The following SCARA5 variants were observed in gnomAD, a reference collection of about 807,000 sequenced individuals.
SCARA5 encodes the protein scavenger receptor class A member 5, also known as scavenger receptor class A, member 5 (putative).
Under a neutral mutation model 46.3 loss-of-function variants are expected in SCARA5, and 45 were observed. That is an observed-to-expected ratio of 0.97 (90% CI 0.76 to 1.24). SCARA5 has a LOEUF of 1.24. SCARA5 is among the 50% of genes most tolerant of loss of function. The pLI, the probability that SCARA5 is intolerant of heterozygous loss-of-function variation, is 0.00. For missense variants in SCARA5, 680 were observed against 689.0 expected, an observed-to-expected ratio of 0.99 and a Z score of 0.15; for synonymous variants, 333 against 306.5, an observed-to-expected ratio of 1.09 and a Z score of -0.90.
chr8:27,966,435 C>A lies in SCARA5; in HGVS notation c.220G>T (p.Val74Leu). 6.2e-7 allele frequency: 1 copy of A among 1,611,632 alleles called. No individual in the cohort carries two copies. Among genetic ancestry groups the A allele is most frequent in the Non-Finnish European group, 8.5e-7 (1 of 1,179,354 alleles). Reference sequence around the variant, plus strand: ...TTACCTGCTAAGATGAAGATGCCCACAAGAATCAGGAAGACCAGCAGGTAG... The same window carrying A: ...TTACCTGCTAAGATGAAGATGCCCAAAAGAATCAGGAAGACCAGCAGGTAG... Reference protein sequence around the residue: ...GLYLLVFLILVGIFILAVSRP... With the variant: ...GLYLLVFLILLGIFILAVSRP... Residue 74 changes from valine to leucine, a missense_variant, in exon 3 of 9, where the codon GTG becomes TTG. Val to Leu is a conservative substitution (Grantham distance 32). Coordinates refer to ENST00000354914, the MANE Select transcript of SCARA5 (RefSeq NM_173833.6).
chr8:27,938,209 C>G (rs1253821548), intron 3 of SCARA5, among the ~76,000 whole-genome samples: 1 of 152,200 alleles, frequency 6.6e-6, no homozygotes, highest in Non-Finnish European at 1.5e-5. Context: ...CCACCCTTGG[C>G]TAACACACGT....
At chr8:27,876,634 CCT>C (rs1806728904) in intron 8 of SCARA5, among the ~76,000 whole-genome samples, 1 of 152,138 alleles carries the variant, frequency 6.6e-6, no homozygotes, top group Non-Finnish European at 1.5e-5. Flanking sequence ...TCCGAGTGCA[CCT>C]GTCAGGAAGG....
intron 3 of SCARA5, among the ~76,000 whole-genome samples, chr8:27,953,358 C>T (rs1585510730): frequency 6.6e-6 from 1 of 152,258 alleles, no homozygotes; most frequent in Non-Finnish European, 1.5e-5. Context: ...CCTACATCTC[C>T]TGCACTTGCC....
chr8:27,882,251 T>A (rs997629895), intron 7 of SCARA5, among the ~76,000 whole-genome samples: 5 of 152,256 alleles, frequency 3.3e-5, no homozygotes, highest in African/African-American at 1.2e-4. Context: ...CTGAATGGTA[T>A]TCCATTTTCT....
intron 7 of SCARA5, among the ~76,000 whole-genome samples, chr8:27,886,995 C>T (rs944333025): frequency 2.0e-5 from 3 of 152,148 alleles, no homozygotes; most frequent in Admixed American, 1.3e-4. Flanking sequence ...CCTCTCTCTG[C>T]ACGTGGCAGT....
Position 27,922,134 on chromosome 8 carries a change from TGCAGCGGAGCCTGCAGCAGCC to T in SCARA5, c.332_352del (p.Arg111_Leu117del), listed in dbSNP as rs556775167. The T allele has an allele frequency of 6.7e-5, 108 of 1,607,576 alleles. No individual in the cohort carries two copies. The African/African-American group carries it at 9.6e-4, about 14-fold the overall frequency. Reference sequence around the variant, plus strand: ...CCACACCTGCTCCGTCAGGTCCGCTTGCAGCGGAGCCTGCAGCAGCCGCAGCTGCAAGTCCCGGAAGCTCTC... The same window carrying T: ...CCACACCTGCTCCGTCAGGTCCGCTTGCAGCTGCAAGTCCCGGAAGCTCTC... On this transcript the variant is annotated inframe_deletion, in exon 4 of 9. Coordinates refer to ENST00000354914, the MANE Select transcript of SCARA5 (RefSeq NM_173833.6).
Position 27,921,783 on chromosome 8 carries a change from G to T in SCARA5, c.704C>A (p.Ser235Tyr). 1.1e-5 allele frequency: 17 copies of T among 1,572,348 alleles called. No individual in the cohort carries two copies. The highest frequency in any genetic ancestry group is 1.4e-5 in the Non-Finnish European group (16 of 1,163,412). Residue 235 changes from serine to tyrosine, a missense_variant, in exon 4 of 9, where the codon TCC becomes TAC. Ser to Tyr is a moderately radical substitution (Grantham distance 144). Around this residue, in one of 3 missense-constraint regions of SCARA5, gnomAD observed 438 missense variants for 384.5 expected, o/e 1.14. Transcript: ENST00000354914. ...CGTGCGGTGGAGGGCCACGTCGTAGGACAGGCTGTGGTTGAGGCCGCGCAG... is the reference window on the plus strand; with the variant it reads ...CGTGCGGTGGAGGGCCACGTCGTAGTACAGGCTGTGGTTGAGGCCGCGCAG... ...GVLRGLNHSL[S>Y]YDVALHRTRL...
intron 3 of SCARA5, among the ~76,000 whole-genome samples, chr8:27,941,800 CATTATTATTATTATTATTATT>C (rs71536304): frequency 3.7e-5 from 5 of 135,312 alleles, no homozygotes; most frequent in African/African-American, 8.5e-5. Context: ...TTTACATCAT[CATTATTATTATTATTATTATT>C]ATTATTATTA....
intron 3 of SCARA5, among the ~76,000 whole-genome samples, chr8:27,958,961 G>T (rs189180610): frequency 6.6e-6 from 1 of 152,106 alleles, no homozygotes; most frequent in Non-Finnish European, 1.5e-5. Flanking sequence ...GGTCAGGCGC[G>T]GTGGCTCATG....
intron 2 of SCARA5, among the ~76,000 whole-genome samples, chr8:27,985,580 A>G (rs1808693563): frequency 6.6e-6 from 1 of 152,196 alleles, no homozygotes; most frequent in Admixed American, 6.5e-5. Context: ...CTAGAACCAG[A>G]TAGGACCTCA....
At chr8:27,937,308 G>T (rs932576772) in intron 3 of SCARA5, among the ~76,000 whole-genome samples, 1 of 152,070 alleles carries the variant, frequency 6.6e-6, no homozygotes, top group Non-Finnish European at 1.5e-5. Flanking sequence ...CAGAATCCTG[G>T]GACCAACCTG....
intron 8 of SCARA5, among the ~76,000 whole-genome samples, chr8:27,876,168 G>A (rs1806720611): frequency 6.6e-6 from 1 of 152,214 alleles, no homozygotes; most frequent in Non-Finnish European, 1.5e-5. Flanking sequence ...GCCTGTGCAT[G>A]CTAACTGCTT....
At chr8:27,894,589 T>G (rs1807032507) in intron 7 of SCARA5, among the ~76,000 whole-genome samples, 1 of 152,218 alleles carries the variant, frequency 6.6e-6, no homozygotes, top group Non-Finnish European at 1.5e-5. Flanking sequence ...AGAAGCTCTG[T>G]GGGAGAATGT....
Position 27,935,819 on chromosome 8 carries a change from C to T in SCARA5, c.242-13574G>A, listed in dbSNP as rs185515427. On this transcript the variant is annotated intron_variant, in intron 3 of 8. Coordinates refer to ENST00000354914, the MANE Select transcript of SCARA5 (RefSeq NM_173833.6). Reference sequence around the variant, plus strand: ...AACAAATACTGCCTGCTCTGGGCTGCGTGGAGCCATGGGGAAGGGCCAAGG... The same window carrying T: ...AACAAATACTGCCTGCTCTGGGCTGTGTGGAGCCATGGGGAAGGGCCAAGG... 4.7e-3 allele frequency among the ~76,000 whole-genome samples: 715 copies of T among 152,208 alleles called. 4 individuals carry two copies. The highest frequency in any genetic ancestry group is 6.8e-3 in the Non-Finnish European group (460 of 67,990).
Position 27,904,781 on chromosome 8 carries a change from C to A in SCARA5, c.1150G>T (p.Ala384Ser). ...GGCCCCAGCAGAATGTCCTTACTGG[C>A]ATCCCCAGCTCTGTCTCCTTTCTCT... is the stretch of plus-strand genomic sequence containing the variant. Reference protein sequence around the residue: ...KGEKGDRAGDASGVEAPMMIR... With the variant: ...KGEKGDRAGDSSGVEAPMMIR... The change falls in exon 7 of 9, where the codon GCC becomes TCC. Residue 384 changes from alanine to serine, a missense_variant. Physicochemically the swap from Ala to Ser is moderately conservative, Grantham distance 99 (BLOSUM62 1). Coordinates refer to ENST00000354914, the MANE Select transcript of SCARA5 (RefSeq NM_173833.6). 4 of 1,613,924 alleles carry A rather than the reference C, an allele frequency of 2.5e-6. No homozygotes were observed. The highest frequency in any genetic ancestry group is 1.7e-6 in the Non-Finnish European group (2 of 1,179,758).
chr8:27,935,915 C>G (rs1807847605), intron 3 of SCARA5, among the ~76,000 whole-genome samples: 1 of 152,186 alleles, frequency 6.6e-6, no homozygotes, highest in Admixed American at 6.5e-5. Context: ...GAGGGCAGCA[C>G]ATTGGTAATT....
At chr8:27,976,063 GGT>G (rs1227045595) in intron 2 of SCARA5, among the ~76,000 whole-genome samples, 1 of 152,128 alleles carries the variant, frequency 6.6e-6, no homozygotes, top group Non-Finnish European at 1.5e-5. Context: ...AACAATCAAG[GGT>G]GTGTGTGCTT....
At chr8:27,989,333 G>T (rs1253656141) in intron 1 of SCARA5, among the ~76,000 whole-genome samples, 1 of 151,730 alleles carries the variant, frequency 6.6e-6, no homozygotes, top group Non-Finnish European at 1.5e-5. Flanking sequence ...TCACCATGTT[G>T]GCCAGGCTGG....
intron 3 of SCARA5, among the ~76,000 whole-genome samples, chr8:27,931,501 T>C (rs1204641699): frequency 3.3e-5 from 5 of 151,806 alleles, no homozygotes; most frequent in Non-Finnish European, 5.9e-5. Context: ...GCCTGGTATG[T>C]GTGATGAGTC....
Sources: gnomAD v4.1 joint callset for allele counts (sites outside exome capture counted in the v4.1 genomes callset) on GRCh38, gnomAD v4.1.1 for gene constraint, gnomAD v4.1.1 regional missense constraint, MANE v1.5 for transcripts, NCBI Gene and HGNC (gene_info 2026-07-23, HGNC 2026-07-21) for gene names.